GNG12: variants seen among roughly 807,000 people sequenced by gnomAD.
The protein encoded by GNG12 is G protein subunit gamma 12.
For synonymous variants in GNG12, 28 were observed against 29.7 expected, an observed-to-expected ratio of 0.94 and a Z score of 0.19; for missense variants, 69 against 83.8, an observed-to-expected ratio of 0.82 and a Z score of 0.69.
intron 1 of GNG12, among the ~76,000 whole-genome samples, chr1:67,823,308 T>C (rs1011882307): frequency 9.9e-5 from 15 of 152,266 alleles, no homozygotes; most frequent in African/African-American, 3.4e-4. Flanking sequence ...ATCTTCATCA[T>C]GTTTTTTGGA....
chr1:67,719,607 C>T (rs1646345887), intron 2 of GNG12, among the ~76,000 whole-genome samples: 1 of 152,178 alleles, frequency 6.6e-6, no homozygotes, highest in Non-Finnish European at 1.5e-5. Context: ...CCACTGTTGG[C>T]TTGGTAATAA....
chr1:67,802,624 C>T (rs11209152), intron 1 of GNG12, among the ~76,000 whole-genome samples: 33,883 of 152,144 alleles, frequency 0.22, 4,268 homozygotes, highest in East Asian at 0.4. Flanking sequence ...ATTTAAGGCC[C>T]GGGCTCTCTC....
rs898430996 is a variant in GNG12, at chr1:67,777,480, A to G, written c.-49T>C. The G allele has an allele frequency of 5.4e-6, 5 of 920,398 alleles. No individual in the cohort carries two copies. Among genetic ancestry groups the G allele is most frequent in the African/African-American group, 5.4e-5 (3 of 56,036 alleles). The allele number at this position is 920,398 out of a possible 1,614,324, so 57.0% of individuals were successfully genotyped here. ...TACCAGTAAGACTTTGTGTGGTCCA[A>G]TGTTTTCAGGTTTTAAGTGGAATGA... is the stretch of plus-strand genomic sequence containing the variant. On this transcript the variant is annotated 5_prime_UTR_variant, in exon 2 of 4. Coordinates refer to ENST00000370982, the MANE Select transcript of GNG12 (RefSeq NM_018841.6).
intron 2 of GNG12, among the ~76,000 whole-genome samples, chr1:67,720,052 C>T (rs1257816313): frequency 2.0e-5 from 3 of 152,152 alleles, no homozygotes; most frequent in African/African-American, 7.2e-5. Flanking sequence ...ACAAGTATCC[C>T]GTGAAATACT....
intron 2 of GNG12, among the ~76,000 whole-genome samples, chr1:67,746,223 G>A (rs1449243622): frequency 6.6e-6 from 1 of 152,072 alleles, no homozygotes; most frequent in African/African-American, 2.4e-5. Context: ...ATACCAACTG[G>A]GATAATTAAA....
chr1:67,746,739 T>C (rs950611772), intron 2 of GNG12, among the ~76,000 whole-genome samples: 8 of 152,184 alleles, frequency 5.3e-5, no homozygotes, highest in African/African-American at 1.9e-4. Flanking sequence ...ACCCAGAGAG[T>C]ATTAGTAAGT....
chr1:67,801,426 G>T (rs1159472280), intron 1 of GNG12, among the ~76,000 whole-genome samples: 1 of 152,112 alleles, frequency 6.6e-6, no homozygotes, highest in East Asian at 1.9e-4. Flanking sequence ...CCAGGTCTTT[G>T]GGCACCAAAT....
At chr1:67,779,793 G>T (rs1378805272) in intron 1 of GNG12, among the ~76,000 whole-genome samples, 1 of 152,200 alleles carries the variant, frequency 6.6e-6, no homozygotes, top group Non-Finnish European at 1.5e-5. Context: ...TTCATCGTGT[G>T]AATATCGTAG....
At chr1:67,787,956 T>C (rs1391379368) in intron 1 of GNG12, among the ~76,000 whole-genome samples, 8 of 152,204 alleles carry the variant, frequency 5.3e-5, no homozygotes, top group Admixed American at 3.9e-4. Flanking sequence ...GCCAAGATGG[T>C]TGGTCAGCCT....
intron 2 of GNG12, among the ~76,000 whole-genome samples, chr1:67,763,454 G>A (rs1646618032): frequency 6.6e-6 from 1 of 151,916 alleles, no homozygotes; most frequent in South Asian, 2.1e-4. Context: ...CCTCAATTTG[G>A]GTTTGCACAT....
intron 1 of GNG12, among the ~76,000 whole-genome samples, chr1:67,789,522 A>G (rs1646789015): frequency 1.3e-5 from 2 of 152,202 alleles, no homozygotes; most frequent in Non-Finnish European, 2.9e-5. Context: ...GGAGTAGTCA[A>G]GGTAACTGAG....
At chr1:67,787,647 T>C (rs1276294) in intron 1 of GNG12, among the ~76,000 whole-genome samples, 140,461 of 152,166 alleles carry the variant, frequency 0.92, 64,853 homozygotes, top group East Asian at 0.93. Flanking sequence ...GTACCATGGC[T>C]ACAACCTCAT....
intron 2 of GNG12, among the ~76,000 whole-genome samples, chr1:67,722,381 A>T (rs192844576): frequency 1.3e-5 from 2 of 152,154 alleles, no homozygotes; most frequent in Non-Finnish European, 2.9e-5. Flanking sequence ...CTTCACCAAC[A>T]AACAATGAAT....
intron 1 of GNG12, among the ~76,000 whole-genome samples, chr1:67,826,565 C>T (rs1041115455): frequency 6.6e-6 from 1 of 152,166 alleles, no homozygotes; most frequent in Non-Finnish European, 1.5e-5. Context: ...AATGTGCAGG[C>T]CATGGTCTAA....
At chr1:67,726,169 T>C (rs1217087731) in intron 2 of GNG12, among the ~76,000 whole-genome samples, 2 of 152,254 alleles carry the variant, frequency 1.3e-5, no homozygotes, top group African/African-American at 4.8e-5. Context: ...TATCAGTAAC[T>C]GACCAGGCCA....
chr1:67,790,092 AAC>A (rs1009074574), intron 1 of GNG12, among the ~76,000 whole-genome samples: 7 of 146,886 alleles, frequency 4.8e-5, no homozygotes, highest in African/African-American at 1.9e-4. Flanking sequence ...AAAAAACAAA[AAC>A]AAAACACTCA....
In GNG12 at chr1:67,703,761, C is replaced by G. The variant is rs1273767394; in HGVS notation, c.*1690G>C. ...GAGTAGATAGCAACTTGGAGAAATACTGAATAAATGTGAGCAGTTTGAAAA... is the reference window on the plus strand; with the variant it reads ...GAGTAGATAGCAACTTGGAGAAATAGTGAATAAATGTGAGCAGTTTGAAAA... On this transcript the variant is annotated 3_prime_UTR_variant, in exon 4 of 4. Coordinates refer to ENST00000370982, the MANE Select transcript of GNG12 (RefSeq NM_018841.6). 1.3e-5 allele frequency: 2 copies of G among 152,204 alleles called. No homozygotes were observed. The highest frequency in any genetic ancestry group is 1.5e-5 in the Non-Finnish European group (1 of 68,052). 9.4% of individuals were successfully genotyped at this position (152,204 alleles called of 1,614,324 possible).
intron 2 of GNG12, among the ~76,000 whole-genome samples, chr1:67,709,880 A>ATATATATATAGTTATATATATATTTT (rs1646272538): frequency 1.0e-5 from 1 of 98,326 alleles, no homozygotes; most frequent in African/African-American, 4.6e-5. Context: ...ATATATATTT[A>ATATATATATAGTTATATATATATTTT]TATATATAGT....
intron 2 of GNG12, among the ~76,000 whole-genome samples, chr1:67,735,810 G>T (rs1370270428): frequency 1.3e-5 from 2 of 152,074 alleles, no homozygotes; most frequent in Non-Finnish European, 2.9e-5. Context: ...AACCATCACA[G>T]AGTACAATAT....
Sources: gnomAD v4.1 joint callset for allele counts (sites outside exome capture counted in the v4.1 genomes callset) on GRCh38, gnomAD v4.1.1 for gene constraint, MANE v1.5 for transcripts, NCBI Gene and HGNC (gene_info 2026-07-23, HGNC 2026-07-21) for gene names.